Variants in EBF4 observed in about 807,000 individuals in gnomAD.
The protein encoded by EBF4 is EBF transcription factor 4, also known as transcription factor COE4.
EBF4 carries 34 observed loss-of-function variants against 67.1 expected under a neutral mutation model. That is an observed-to-expected ratio of 0.51 (90% CI 0.39 to 0.67). The LOEUF is 0.67. Ranked by LOEUF, EBF4 falls within the 30% of genes least tolerant of loss-of-function variation. EBF4 has a pLI of 0.00. For missense variants in EBF4, 837 were observed against 873.3 expected, an observed-to-expected ratio of 0.96 and a Z score of 0.52; for synonymous variants, 387 against 377.7, an observed-to-expected ratio of 1.02 and a Z score of -0.29.
intron 1 of EBF4, among the ~76,000 whole-genome samples, chr20:2,701,266 A>G (rs1466650710): frequency 2.0e-5 from 3 of 152,238 alleles, no homozygotes; most frequent in Middle Eastern, 3.4e-3. Context: ...TCCTAAACCT[A>G]CTATGGGGCA....
At chr20:2,726,753 A>G (rs893593540) in intron 6 of EBF4, among the ~76,000 whole-genome samples, 2 of 152,194 alleles carry the variant, frequency 1.3e-5, no homozygotes, top group Non-Finnish European at 2.9e-5. Flanking sequence ...TCACCAAAAC[A>G]TAACTTCTTG....
Position 2,751,894 on chromosome 20 carries a change from G to C in EBF4, c.1108-28G>C, listed in dbSNP as rs529801214. 1.2e-5 allele frequency: 19 copies of C among 1,549,160 alleles called. No homozygotes were observed. The highest frequency in any genetic ancestry group is 8.7e-7 in the Non-Finnish European group (1 of 1,146,728). On this transcript the variant is annotated intron_variant, in intron 11 of 16. Transcript: ENST00000609451. This position sits in a 1 kb window ranked among gnomAD's most constrained non-coding sequence, Gnocchi z 5.2. ...GGTCGCCCCCAGGGGCTGCCCCTCCGTCCCGCTGTCTCTCCCCCTGTCCCC... is the reference window on the plus strand; with the variant it reads ...GGTCGCCCCCAGGGGCTGCCCCTCCCTCCCGCTGTCTCTCCCCCTGTCCCC...
rs2088060302 is a variant in EBF4 at position 2,747,045 on chromosome 20, C to CA, written c.558-1503dup. Among the ~76,000 whole-genome samples, 1 of 152,192 alleles carries CA rather than the reference C, an allele frequency of 6.6e-6. No homozygotes were observed. The highest frequency in any genetic ancestry group is 1.5e-5 in the Non-Finnish European group (1 of 68,036). ...CAGTGGCTCATGCCTGTAATCCCAA[C>CA]ACTTTGGGAGGCCGAGGTGGGTGAA... is the stretch of plus-strand genomic sequence containing the variant. On this transcript the variant is annotated intron_variant, in intron 6 of 16. Transcript: ENST00000609451. The surrounding 1 kb of genome is among the most constrained non-coding windows in gnomAD (Gnocchi z 4.6).
chr20:2,748,380 C>G (rs1214805310), intron 6 of EBF4, among the ~76,000 whole-genome samples, 169 bp from the exon 7 acceptor site: 7 of 152,070 alleles, frequency 4.6e-5, no homozygotes, highest in Admixed American at 4.6e-4. Flanking sequence ...TGGTGTGTAT[C>G]AGGCACCCTG....
At chr20:2,709,472 C>T in intron 5 of EBF4, 102 bp from the exon 6 acceptor site, 1 of 1,113,774 alleles carries the variant, frequency 9.0e-7, no homozygotes, top group South Asian at 1.8e-5. Context: ...AGAGACAGGA[C>T]ATCAGCACCC....
chr20:2,699,416 C>T (rs2087343256), intron 1 of EBF4, among the ~76,000 whole-genome samples: 1 of 152,160 alleles, frequency 6.6e-6, no homozygotes, highest in Non-Finnish European at 1.5e-5. Context: ...CAAACAGTCT[C>T]CTTTAATTTT....
chr20:2,720,254 G>A (rs563021927), intron 6 of EBF4, among the ~76,000 whole-genome samples: 2 of 152,014 alleles, frequency 1.3e-5, no homozygotes, highest in African/African-American at 2.4e-5. Flanking sequence ...CCACTACCAC[G>A]CCCAGCTGAA....
At chr20:2,748,667 C>T (rs1177321708) in intron 7 of EBF4, 37 bp downstream of exon 7, 1 of 1,539,906 alleles carries the variant, frequency 6.5e-7, no homozygotes, top group Non-Finnish European at 8.8e-7. Flanking sequence ...TGCAACCCCA[C>T]CCTTTCCTGA....
chr20:2,754,178 G>A (rs535389874), intron 14 of EBF4, among the ~76,000 whole-genome samples: 2 of 152,276 alleles, frequency 1.3e-5, no homozygotes, highest in African/African-American at 2.4e-5. Flanking sequence ...TGTCTTGACC[G>A]AGGCTTACCC....
rs1415559893 is a variant in EBF4, at chr20:2,752,267, C to T, written c.1351+4C>T. Reference sequence around the variant, plus strand: ...GCCACCCCGGGGCCCGAGCCGGGTGCGTGGGCCGCGCCTCCCCGCCGTCCT... The same window carrying T: ...GCCACCCCGGGGCCCGAGCCGGGTGTGTGGGCCGCGCCTCCCCGCCGTCCT... On this transcript the variant is annotated splice_donor_region_variant and intron_variant, in intron 13 of 16. Transcript: ENST00000609451. 2 of 1,238,932 alleles carry T rather than the reference C, an allele frequency of 1.6e-6. No homozygotes were observed. The highest frequency in any genetic ancestry group is 1.0e-6 in the Non-Finnish European group (1 of 994,604). 76.7% of individuals were successfully genotyped at this position (1,238,932 alleles called of 1,614,324 possible). A position where few individuals can be genotyped will look rare whatever the true frequency, so the allele number is the denominator to read the frequency against.
chr20:2,693,609 C>T lies in EBF4; in HGVS notation c.-37C>T, dbSNP rs912502056. 2.9e-6 allele frequency: 4 copies of T among 1,360,058 alleles called. No homozygotes were observed. The African/African-American group carries it at 6.1e-5, about 21-fold the overall frequency. 84.2% of individuals were successfully genotyped at this position (1,360,058 alleles called of 1,614,324 possible). A position where few individuals can be genotyped will look rare whatever the true frequency, so the allele number is the denominator to read the frequency against. The stretch of plus-strand genomic sequence containing the variant: ...GCCCGCAGCCTCAGCGGGACCGGAT[C>T]CGGGGCGGCGGGGGCGCTCACTCAC... On this transcript the variant is annotated 5_prime_UTR_variant, in exon 1 of 17. Transcript: ENST00000609451. The surrounding 1 kb of genome is among the most constrained non-coding windows in gnomAD (Gnocchi z 4.6).
At position 2,707,557 on chromosome 20, in the gene EBF4, A is replaced by C. The variant is rs2087476373; in HGVS notation, c.415-390A>C. On this transcript the variant is annotated intron_variant, in intron 4 of 16. Transcript: ENST00000609451. The surrounding 1 kb of genome is among the most constrained non-coding windows in gnomAD (Gnocchi z 4.6). ...AACAGAAGCAGAGGTCCGTCAGGAC[A>C]TGGAGGATGCACACAGGAGGATGCT... 6.6e-6 allele frequency among the ~76,000 whole-genome samples: 1 copy of C among 151,852 alleles called. No individual in the cohort carries two copies. The highest frequency in any genetic ancestry group is 2.1e-4 in the South Asian group (1 of 4,806).
exon 17 of EBF4, chr20:2,759,369 C>T (rs113621418): frequency 2.7e-5 from 7 of 256,106 alleles, no homozygotes; most frequent in African/African-American, 1.3e-4. Flanking sequence ...GGGCCATGGG[C>T]GGACCTCAAC....
chr20:2,713,542 T>C lies in EBF4; in HGVS notation c.557+3900T>C, dbSNP rs75885852. 9.9e-4 allele frequency among the ~76,000 whole-genome samples: 150 copies of C among 152,254 alleles called. 1 individual carries two copies. Among genetic ancestry groups the C allele is most frequent in the African/African-American group, 3.4e-3 (142 of 41,532 alleles). On this transcript the variant is annotated intron_variant, in intron 6 of 16. Coordinates refer to ENST00000609451, the Ensembl canonical transcript of EBF4. Reference sequence around the variant, plus strand: ...AGGGTACCCTTGACGTTTATGATCATAAATTTGGTGATAACTTTCTCCAGC... The same window carrying C: ...AGGGTACCCTTGACGTTTATGATCACAAATTTGGTGATAACTTTCTCCAGC...
Position 2,755,547 on chromosome 20 carries a change from G to A in EBF4, c.1541-80G>A, listed in dbSNP as rs1041522580. On this transcript the variant is annotated intron_variant, in intron 14 of 16. Coordinates refer to ENST00000609451, the Ensembl canonical transcript of EBF4. This position sits in a 1 kb window ranked among gnomAD's most constrained non-coding sequence, Gnocchi z 4.7. ...GCCCATGTGGGGCCCCAGCCAAGCT[G>A]CTCACTCTGGTGCTGTCTCCCTGTT... The A allele has an allele frequency of 2.0e-4, 149 of 744,800 alleles. 1 individual carries two copies. The South Asian group carries it at 2.4e-3, about 12-fold the overall frequency. 46.1% of individuals were successfully genotyped at this position (744,800 alleles called of 1,614,324 possible). A position where few individuals can be genotyped will look rare whatever the true frequency, so the allele number is the denominator to read the frequency against.
At chr20:2,699,945 C>G (rs995649634) in intron 1 of EBF4, among the ~76,000 whole-genome samples, 2 of 152,220 alleles carry the variant, frequency 1.3e-5, no homozygotes, top group African/African-American at 4.8e-5. Flanking sequence ...TTGGTCAAGG[C>G]TCTGCCTCCC....
intron 15 of EBF4, among the ~76,000 whole-genome samples, chr20:2,758,584 TCTTTC>T (rs537707175): frequency 8.5e-5 from 13 of 152,294 alleles, no homozygotes; most frequent in Non-Finnish European, 8.8e-5. Context: ...GAGGCTGGCC[TCTTTC>T]CTTTTCTGCC....
At chr20:2,735,772 C>T (rs747091385) in intron 6 of EBF4, among the ~76,000 whole-genome samples, 1 of 152,100 alleles carries the variant, frequency 6.6e-6, no homozygotes, top group Non-Finnish European at 1.5e-5. Context: ...ATGATCCCTG[C>T]CCTCTGAGAG....
intron 1 of EBF4, among the ~76,000 whole-genome samples, chr20:2,703,868 G>C (rs1433057739): frequency 1.3e-5 from 2 of 152,156 alleles, no homozygotes; most frequent in Non-Finnish European, 2.9e-5. Context: ...ATGAGAGCTG[G>C]GGCCGCAGTC....
Sources: allele counts gnomAD v4.1 joint callset (sites outside exome capture counted in the v4.1 genomes callset), GRCh38; gene constraint gnomAD v4.1.1; non-coding constraint Gnocchi (gnomAD v3.1); transcripts MANE v1.5; gene names NCBI Gene and HGNC (gene_info 2026-07-23, HGNC 2026-07-21).